Variants in ZNF664 observed in about 807,000 individuals in gnomAD.
ZNF664 encodes the protein zinc finger Organ of Corti 1.
Under a neutral mutation model 18.2 loss-of-function variants are expected in ZNF664, and 10 were observed. The ratio of observed to expected loss-of-function variants is 0.55; its 90% CI spans 0.34 to 0.93. The LOEUF (loss-of-function observed/expected upper bound fraction) is 0.93. Ranked by LOEUF, ZNF664 falls within the 40% of genes least tolerant of loss-of-function variation. The pLI is 0.02. For synonymous variants in ZNF664, 119 were observed against 104.2 expected (o/e 1.14, Z -0.86); for missense variants, 193 against 319.0 (o/e 0.61, Z 3.01).
chr12:124,014,477 A>C lies in ZNF664; in HGVS notation c.*1547A>C, dbSNP rs1957169723. ...GAACTCAAGGAATGTTTAGAAGACC[A>C]AAAGTCCCCAATGACAGGAACAAAA... is the stretch of plus-strand genomic sequence containing the variant. On this transcript the variant is annotated 3_prime_UTR_variant, in exon 5 of 5. Coordinates refer to ENST00000337815, the MANE Select transcript of ZNF664 (RefSeq NM_152437.3). 1 of 167,136 alleles carries C rather than the reference A, an allele frequency of 6.0e-6. No individual in the cohort carries two copies. Among genetic ancestry groups the C allele is most frequent in the East Asian group, 1.9e-4 (1 of 5,206 alleles). 10.4% of individuals were successfully genotyped at this position (167,136 alleles called of 1,614,324 possible). A position where few individuals can be genotyped will look rare whatever the true frequency, so the allele number is the denominator to read the frequency against.
At position 123,973,307 on chromosome 12, in the gene ZNF664, G is replaced by T. The variant is rs1956616117; in HGVS notation, c.-937G>T. ...AGGTGTCCCTGAGGAGAGGGAGGTG[G>T]GTGCGCGGCGCCCGCGGCCTGGGGC... is the stretch of plus-strand genomic sequence containing the variant. On this transcript the variant is annotated 5_prime_UTR_variant, in exon 1 of 5. Transcript: ENST00000337815. The T allele has an allele frequency of 1.0e-6, 1 of 984,198 alleles. No individual in the cohort carries two copies. The highest frequency in any genetic ancestry group is 4.7e-5 in the South Asian group (1 of 21,282). 61.0% of individuals were successfully genotyped at this position (984,198 alleles called of 1,614,324 possible).
At chr12:123,990,053 C>T in intron 3 of ZNF664, among the ~76,000 whole-genome samples, 1 of 152,132 alleles carries the variant, frequency 6.6e-6, no homozygotes, top group Admixed American at 6.5e-5. Flanking sequence ...ATAAAAATAG[C>T]CAGACTCTTG....
intron 3 of ZNF664, among the ~76,000 whole-genome samples, chr12:123,995,339 A>G (rs932559948): frequency 2.6e-5 from 4 of 152,250 alleles, no homozygotes; most frequent in African/African-American, 4.8e-5. Context: ...TCAATGCTTC[A>G]CAGACTATTG....
chr12:123,985,549 A>G (rs1248809684), intron 2 of ZNF664, among the ~76,000 whole-genome samples: 1 of 152,266 alleles, frequency 6.6e-6, no homozygotes, highest in East Asian at 1.9e-4. Flanking sequence ...AATAGAAGTT[A>G]TTTGGCTTCA....
intron 2 of ZNF664, among the ~76,000 whole-genome samples, chr12:123,986,334 C>T (rs995758801): frequency 3.9e-5 from 6 of 152,348 alleles, no homozygotes; most frequent in African/African-American, 1.4e-4. Context: ...TGTCCAGAGA[C>T]AAGCCACAGT....
At chr12:123,973,660 A>AGGGCGAGGCC (rs1315513810) in intron 1 of ZNF664, 3 of 657,304 alleles carry the variant, frequency 4.6e-6, no homozygotes, top group Non-Finnish European at 6.0e-6. Flanking sequence ...GGCAGCGGGC[A>AGGGCGAGGCC]GGGCGAGGCC....
intron 2 of ZNF664, among the ~76,000 whole-genome samples, chr12:123,978,790 A>G (rs1383707774): frequency 2.0e-5 from 3 of 152,244 alleles, no homozygotes; most frequent in Non-Finnish European, 4.4e-5. Flanking sequence ...AGTAATATAA[A>G]TGGTGAACAC....
chr12:123,974,793 A>G (rs982489371), intron 2 of ZNF664, among the ~76,000 whole-genome samples: 2 of 152,224 alleles, frequency 1.3e-5, no homozygotes, highest in African/African-American at 4.8e-5. Context: ...ATTTTTTAAC[A>G]ACTGCTGCAC....
intron 2 of ZNF664, among the ~76,000 whole-genome samples, chr12:123,987,088 A>G (rs1031655859): frequency 6.6e-6 from 1 of 152,178 alleles, no homozygotes; most frequent in African/African-American, 2.4e-5. Flanking sequence ...TGATATAGCA[A>G]CTTCAGATAG....
At position 123,976,925 on chromosome 12, in the gene ZNF664, A is replaced by C. The variant is rs1183972452; in HGVS notation, c.-757+2905A>C. ...GAAACCCTGTCTCTACTAAAAATAC[A>C]AAAAATTAGCTGGGCGTGGTGGCAG... On this transcript the variant is annotated intron_variant, in intron 2 of 4. Transcript: ENST00000337815. Among the ~76,000 whole-genome samples the C allele has an allele frequency of 2.0e-5, 3 of 152,086 alleles. No homozygotes were observed. In the East Asian group the frequency reaches 5.8e-4, roughly 29 times the overall value.
At chr12:123,974,792 C>CA (rs1355415246) in intron 2 of ZNF664, among the ~76,000 whole-genome samples, 1 of 152,228 alleles carries the variant, frequency 6.6e-6, no homozygotes, top group Admixed American at 6.5e-5. Flanking sequence ...CATTTTTTAA[C>CA]AACTGCTGCA....
rs764342272 is a variant in ZNF664, at chr12:124,012,885, A to G, written c.741A>G (p.Arg247=). ...SQSTSLCIHQ[R]VHTKERNHLK... ...GTACGAGCCTCTGCATCCACCAGAGAGTCCACACAAAGGAGAGAAACCATC... is the reference window on the plus strand; with the variant it reads ...GTACGAGCCTCTGCATCCACCAGAGGGTCCACACAAAGGAGAGAAACCATC... The change falls in exon 5 of 5, where the codon AGA becomes AGG. Residue 247 remains arginine, a synonymous_variant. Coordinates refer to ENST00000337815, the MANE Select transcript of ZNF664 (RefSeq NM_152437.3). The G allele has an allele frequency of 6.2e-7, 1 of 1,614,188 alleles. No homozygotes were observed. Among genetic ancestry groups the G allele is most frequent in the East Asian group, 2.2e-5 (1 of 44,876 alleles).
intron 2 of ZNF664, among the ~76,000 whole-genome samples, chr12:123,980,805 G>T (rs1956755718): frequency 6.6e-6 from 1 of 152,034 alleles, no homozygotes; most frequent in South Asian, 2.1e-4. Context: ...TAGGATGTCG[G>T]GTGATTTAAA....
At chr12:123,995,949 T>C (rs1418720798) in intron 3 of ZNF664, among the ~76,000 whole-genome samples, 1 of 152,142 alleles carries the variant, frequency 6.6e-6, no homozygotes, top group Non-Finnish European at 1.5e-5. Flanking sequence ...AAGAGCACCC[T>C]GATTTATCAG....
Position 123,973,868 on chromosome 12 carries a change from G to A in ZNF664, c.-891-18G>A. On this transcript the variant is annotated intron_variant, in intron 1 of 4. Transcript: ENST00000337815. ...GCTGCGGAGGAGCCGGCTGCATGGG[G>A]TGCTGTGTGTTTTTCAGGGCGCCCT... 8.1e-7 allele frequency: 1 copy of A among 1,231,956 alleles called. No individual in the cohort carries two copies. The highest frequency in any genetic ancestry group is 3.2e-5 in the East Asian group (1 of 31,710). 76.3% of individuals were successfully genotyped at this position (1,231,956 alleles called of 1,614,324 possible).
At chr12:123,994,946 G>C (rs1342315286) in intron 3 of ZNF664, among the ~76,000 whole-genome samples, 1 of 152,210 alleles carries the variant, frequency 6.6e-6, no homozygotes, top group Non-Finnish European at 1.5e-5. Context: ...TGGGTGCTTA[G>C]CTAGTTTATT....
At chr12:123,996,691 G>A (rs1439981375) in intron 3 of ZNF664, among the ~76,000 whole-genome samples, 1 of 152,112 alleles carries the variant, frequency 6.6e-6, no homozygotes, top group Non-Finnish European at 1.5e-5. Context: ...ATGTCGTTGG[G>A]GGCGGGCTTT....
At chr12:123,990,224 T>C (rs1391569162) in intron 3 of ZNF664, among the ~76,000 whole-genome samples, 1 of 152,232 alleles carries the variant, frequency 6.6e-6, no homozygotes, top group Admixed American at 6.5e-5. Flanking sequence ...TGTGTATATA[T>C]GTAACACTAC....
At chr12:124,003,128 G>A (rs572466962) in intron 3 of ZNF664, among the ~76,000 whole-genome samples, 50 of 152,332 alleles carry the variant, frequency 3.3e-4, no homozygotes, top group Middle Eastern at 3.4e-3. Flanking sequence ...GGGTGGGGCT[G>A]TGGTATCCAA....
Sources: gnomAD v4.1 joint callset for allele counts (sites outside exome capture counted in the v4.1 genomes callset) on GRCh38, gnomAD v4.1.1 for gene constraint, MANE v1.5 for transcripts, NCBI Gene and HGNC (gene_info 2026-07-23, HGNC 2026-07-21) for gene names.